The following PDE10A variants were observed in gnomAD, a reference collection of about 807,000 sequenced individuals.
PDE10A encodes phosphodiesterase 10A.
A neutral mutation model predicts 97.7 loss-of-function variants in PDE10A; 39 were observed. That is an observed-to-expected ratio of 0.40 (90% CI 0.31 to 0.52). The LOEUF (loss-of-function observed/expected upper bound fraction) is 0.52. Among genes scored for constraint, PDE10A ranks in the 20% least tolerant of loss-of-function variants. PDE10A has a pLI of 0.56. For synonymous variants in PDE10A, 371 were observed against 376.8 expected (o/e 0.98, Z 0.18); for missense variants, 731 against 1,047.8 (o/e 0.70, Z 4.17).
chr6:165,614,049 C>G (rs1787616409), intron 1 of PDE10A, among the ~76,000 whole-genome samples: 1 of 152,180 alleles, frequency 6.6e-6, no homozygotes, highest in Non-Finnish European at 1.5e-5. Flanking sequence ...CCATTAAGCA[C>G]CAAGTTGTGC....
In PDE10A at chr6:165,533,627, T is replaced by C. The variant is rs144026100; in HGVS notation, c.994+9813A>G. On this transcript the variant is annotated intron_variant, in intron 2 of 21. Transcript: ENST00000539869. ...ACTAAATGACTAGCCAGAAAATGAA[T>C]AGTACTGGCACATTCCAGGTACAAC... Among the ~76,000 whole-genome samples, 750 of 152,232 alleles carry C rather than the reference T, an allele frequency of 4.9e-3. 4 individuals are homozygous for C. Among genetic ancestry groups the C allele is most frequent in the African/African-American group, 0.017 (704 of 41,562 alleles).
At chr6:165,663,917 C>T (rs1343988985), upstream of PDE10A, among the ~76,000 whole-genome samples, 2 of 152,176 alleles carry the variant, frequency 1.3e-5, no homozygotes, top group Admixed American at 1.3e-4. Context: ...GCCCAATGGG[C>T]GCTCAGAACT....
intron 1 of PDE10A, among the ~76,000 whole-genome samples, chr6:165,581,693 T>G (rs781618411): frequency 6.6e-6 from 1 of 152,256 alleles, no homozygotes; most frequent in Non-Finnish European, 1.5e-5. Flanking sequence ...CATGTGTTTC[T>G]GAGGCCTTTA....
At chr6:165,749,494 CACCACCATCATCACCATT>C (rs1200143257) in intron 1 of PDE10A, among the ~76,000 whole-genome samples, 1 of 152,132 alleles carries the variant, frequency 6.6e-6, no homozygotes, top group Admixed American at 6.5e-5. Flanking sequence ...TCATCACCAT[CACCACCATCATCACCATT>C]ACCACCATCA....
At chr6:165,670,000 G>C (rs1167111836) in intron 1 of PDE10A, among the ~76,000 whole-genome samples, 4 of 152,338 alleles carry the variant, frequency 2.6e-5, no homozygotes, top group Admixed American at 6.5e-5. Flanking sequence ...CCCAGCCCAA[G>C]TATGTGCACT....
At chr6:165,497,226 TATA>T (rs1790580847) in intron 2 of PDE10A, among the ~76,000 whole-genome samples, 1 of 152,190 alleles carries the variant, frequency 6.6e-6, no homozygotes, top group African/African-American at 2.4e-5. Context: ...AATGTTGTAG[TATA>T]ATCTTTTGTA....
chr6:165,614,847 A>G (rs1426940287), intron 1 of PDE10A, among the ~76,000 whole-genome samples: 3 of 142,598 alleles, frequency 2.1e-5, no homozygotes, highest in Non-Finnish European at 3.1e-5. Flanking sequence ...GCATTCAATT[A>G]AAAAAAAAAA....
chr6:165,765,194 CA>C (rs1462232406), intron 1 of PDE10A, among the ~76,000 whole-genome samples: 1 of 152,280 alleles, frequency 6.6e-6, no homozygotes, highest in African/African-American at 2.4e-5. Flanking sequence ...TCCAAGGCCC[CA>C]CCAGACTCAG....
rs9459468 is a variant in PDE10A, at chr6:165,655,640, C to T, written c.865+6307G>A. On this transcript the variant is annotated intron_variant, in intron 1 of 21. Coordinates refer to ENST00000539869, the MANE Select transcript of PDE10A (RefSeq NM_001385079.1). This position sits in a 1 kb window ranked among gnomAD's most constrained non-coding sequence, Gnocchi z 4.5. ...ACTATGACAGTAGCATCCATGGACTCCCTGTATCCACGACATCTCCCTTCA... is the reference window on the plus strand; with the variant it reads ...ACTATGACAGTAGCATCCATGGACTTCCTGTATCCACGACATCTCCCTTCA... Among the ~76,000 whole-genome samples, 1,437 of 152,290 alleles carry T rather than the reference C, an allele frequency of 9.4e-3. 21 individuals carry two copies. The highest frequency in any genetic ancestry group is 0.033 in the African/African-American group (1,382 of 41,560).
intron 1 of PDE10A, among the ~76,000 whole-genome samples, chr6:165,635,945 G>T (rs923504306): frequency 7.9e-5 from 12 of 152,172 alleles, no homozygotes; most frequent in African/African-American, 2.7e-4. Context: ...GTGTTTCAAA[G>T]AATAACATTT....
chr6:165,506,129 T>G (rs551826286), intron 2 of PDE10A, among the ~76,000 whole-genome samples: 1 of 152,118 alleles, frequency 6.6e-6, no homozygotes, highest in Non-Finnish European at 1.5e-5. Context: ...CTTTTGTTGG[T>G]TTTTTTCCCC....
chr6:165,848,586 C>T (rs1037017306), intron 1 of PDE10A, among the ~76,000 whole-genome samples: 1 of 152,102 alleles, frequency 6.6e-6, no homozygotes, highest in Non-Finnish European at 1.5e-5. Context: ...ACAGAACAGC[C>T]CTGGCATGAA....
chr6:165,455,005 G>C (rs1016488024), intron 3 of PDE10A, among the ~76,000 whole-genome samples: 3 of 152,142 alleles, frequency 2.0e-5, no homozygotes, highest in African/African-American at 4.8e-5. Context: ...CACCAAAAAT[G>C]TATAGCACAG....
rs1272125621 is a variant in PDE10A at position 165,409,375 on chromosome 6, C to G, written c.2076+4126G>C. ...TAGCCTGGCCAACGTGGTGAAACCC[C>G]ATCTCTACTAAAAATACAAAAATTA... On this transcript the variant is annotated intron_variant, in intron 13 of 21. Coordinates refer to ENST00000539869, the MANE Select transcript of PDE10A (RefSeq NM_001385079.1). 4.6e-5 allele frequency among the ~76,000 whole-genome samples: 7 copies of G among 152,140 alleles called. No homozygotes were observed. In the East Asian group the frequency reaches 1.2e-3, roughly 25 times the overall value.
intron 1 of PDE10A, among the ~76,000 whole-genome samples, chr6:165,590,145 T>TAAAA (rs1786162709): frequency 6.6e-6 from 1 of 152,212 alleles, no homozygotes; most frequent in Non-Finnish European, 1.5e-5. Flanking sequence ...TTATGAAGAC[T>TAAAA]AGAAAAGGTT....
At position 165,564,999 on chromosome 6, in the gene PDE10A, C is replaced by T. The variant is rs139601674; in HGVS notation, c.866-21431G>A. On this transcript the variant is annotated intron_variant, in intron 1 of 21. Coordinates refer to ENST00000539869, the MANE Select transcript of PDE10A (RefSeq NM_001385079.1). Reference sequence around the variant, plus strand: ...AACTATATGTTGTCTATAAAAGATGCAATTTAGATACAAAGACAAAAAATA... The same window carrying T: ...AACTATATGTTGTCTATAAAAGATGTAATTTAGATACAAAGACAAAAAATA... Among the ~76,000 whole-genome samples the T allele has an allele frequency of 2.9e-3, 446 of 152,080 alleles. 5 individuals carry two copies. The highest frequency in any genetic ancestry group is 0.01 in the African/African-American group (417 of 41,498).
intron 1 of PDE10A, among the ~76,000 whole-genome samples, chr6:165,982,188 T>C (rs1237855250): frequency 6.6e-6 from 1 of 152,190 alleles, no homozygotes. Context: ...TATTTCACTA[T>C]GGCTCAAGAA....
chr6:165,729,558 G>A (rs1189843715), intron 1 of PDE10A, among the ~76,000 whole-genome samples: 1 of 152,150 alleles, frequency 6.6e-6, no homozygotes, highest in East Asian at 1.9e-4. Context: ...GTGACCCCGG[G>A]CCCCAACCAC....
At chr6:165,771,768 T>C (rs564829286) in intron 1 of PDE10A, among the ~76,000 whole-genome samples, 10 of 151,664 alleles carry the variant, frequency 6.6e-5, no homozygotes, top group African/African-American at 1.9e-4. Context: ...GATTGGGAAG[T>C]TGGGGGACTA....
Sources: allele counts gnomAD v4.1 joint callset (sites outside exome capture counted in the v4.1 genomes callset), GRCh38; gene constraint gnomAD v4.1.1; non-coding constraint Gnocchi (gnomAD v3.1); transcripts MANE v1.5; gene names NCBI Gene and HGNC (gene_info 2026-07-23, HGNC 2026-07-21).